The following HERC6 variants were observed in gnomAD, a reference collection of about 807,000 sequenced individuals.
HERC6 encodes probable E3 ubiquitin-protein ligase HERC6.
A neutral mutation model predicts 114.5 loss-of-function variants in HERC6; 101 were observed. The observed-to-expected ratio is 0.88, with a 90% CI of 0.75 to 1.04. The LOEUF is 1.04. Ranked by LOEUF, HERC6 falls within the 50% of genes least tolerant of loss-of-function variation. The pLI, the probability that HERC6 is intolerant of heterozygous loss-of-function variation, is 0.00. For missense variants in HERC6, 1,133 were observed against 1,230.9 expected, an observed-to-expected ratio of 0.92 and a Z score of 1.19; for synonymous variants, 408 against 436.2, an observed-to-expected ratio of 0.94 and a Z score of 0.81.
intron 12 of HERC6, among the ~76,000 whole-genome samples, chr4:88,417,173 G>A (rs1736561176): frequency 6.6e-6 from 1 of 152,104 alleles, no homozygotes; most frequent in East Asian, 1.9e-4. Flanking sequence ...ATAAATGTGA[G>A]CCATTAACCA....
chr4:88,401,466 G>A (rs1735533420), intron 8 of HERC6, among the ~76,000 whole-genome samples: 1 of 150,334 alleles, frequency 6.7e-6, no homozygotes, highest in Admixed American at 6.6e-5. Context: ...ACTCCAGCCT[G>A]GGCGACAGAA....
At chr4:88,395,902 A>C in intron 5 of HERC6, 113 bp from the exon 6 acceptor site, 1 of 834,606 alleles carries the variant, frequency 1.2e-6, no homozygotes, top group Non-Finnish European at 1.8e-6. Flanking sequence ...ATTTATGTAG[A>C]GCTTGTGTTT....
chr4:88,382,315 A>G (rs1373094422), intron 1 of HERC6, among the ~76,000 whole-genome samples: 3 of 152,092 alleles, frequency 2.0e-5, no homozygotes, highest in Admixed American at 6.6e-5. Flanking sequence ...TCCGGTTTTC[A>G]TTTGTGGGCA....
chr4:88,423,727 A>G, intron 13 of HERC6, 133 bp from the exon 14 acceptor site: 1 of 425,970 alleles, frequency 2.3e-6, no homozygotes, highest in Non-Finnish European at 4.2e-6. Flanking sequence ...CTATTTCATC[A>G]CTGACAAATG....
chr4:88,389,722 T>G (rs765552362), intron 3 of HERC6, among the ~76,000 whole-genome samples: 5 of 152,086 alleles, frequency 3.3e-5, no homozygotes, highest in African/African-American at 4.8e-5. Context: ...TTTTTCTTCA[T>G]CTCTGTTTTA....
chr4:88,407,101 A>T (rs1027838844), intron 10 of HERC6, among the ~76,000 whole-genome samples: 1 of 148,342 alleles, frequency 6.7e-6, no homozygotes. Flanking sequence ...TTTTTGAGAC[A>T]GGGTCTCACT....
chr4:88,424,461 A>G (rs952474047), intron 14 of HERC6, 134 bp from the exon 15 acceptor site: 2 of 690,580 alleles, frequency 2.9e-6, no homozygotes, highest in African/African-American at 3.7e-5. Context: ...CCTGGGCAAT[A>G]GAACAAGACT....
chr4:88,439,917 T>C lies in HERC6; in HGVS notation c.2599T>C (p.Ser867Pro). Residue 867 changes from serine (S) to proline (P), a missense_variant, in exon 21 of 23, where the codon TCT (serine) becomes CCT (proline). Ser to Pro is a moderately conservative substitution (Grantham distance 74). This residue lies in a region of HERC6 where 388 missense variants were observed against 445.9 expected (regional missense o/e 0.87). Transcript: ENST00000264346. ...GTATATTGATTACATTTTCAACGTC[T>C]CTGTAAAAGCAGTTTATGAGGAATT... is the stretch of plus-strand genomic sequence containing the variant. ...SKYIDYIFNV[S>P]VKAVYEEFQR... is the part of the protein sequence containing the mutation. The C allele has an allele frequency of 6.3e-7, 1 of 1,594,740 alleles. No homozygotes were observed. The highest frequency in any genetic ancestry group is 8.5e-7 in the Non-Finnish European group (1 of 1,171,526).
In HERC6 at chr4:88,428,654, C is replaced by A; in HGVS notation, c.2010C>A (p.Pro670=). 1 of 1,607,418 alleles carries A rather than the reference C, an allele frequency of 6.2e-7. No individual in the cohort carries two copies. Among genetic ancestry groups the A allele is most frequent in the Admixed American group, 1.7e-5 (1 of 59,184 alleles). ...AAAAGGATGAATTTCCTCCATCACC[C>A]AGATTTATACTTAGAGTCAGACGAA... ...LQKKDEFPPS[P]RFILRVRRSR... is the part of the protein sequence containing the mutation. Residue 670 remains proline (P), a synonymous_variant, in exon 16 of 23, where the codon CCC becomes CCA. Coordinates refer to ENST00000264346, the MANE Select transcript of HERC6 (RefSeq NM_017912.4).
intron 2 of HERC6, 70 bp downstream of exon 2, chr4:88,383,450 T>A: frequency 2.4e-6 from 3 of 1,249,120 alleles, no homozygotes; most frequent in Non-Finnish European, 3.2e-6. Flanking sequence ...CTGTGCAAGA[T>A]GCCAGGATAC....
rs1212130046 is a variant in HERC6, at chr4:88,385,147, G to A, written c.360-352G>A. Among the ~76,000 whole-genome samples, 3 of 152,062 alleles carry A rather than the reference G, an allele frequency of 2.0e-5. No individual in the cohort carries two copies. The East Asian group carries it at 5.8e-4, about 29-fold the overall frequency. On this transcript the variant is annotated intron_variant, in intron 2 of 22. Transcript: ENST00000264346. The stretch of plus-strand genomic sequence containing the variant: ...GCTTAAATTAGATGATGAAGTTGTT[G>A]GTGTTCTATAAATTCTAAGGCCCTA...
chr4:88,409,558 C>T (rs181412057), intron 11 of HERC6, among the ~76,000 whole-genome samples: 20 of 152,194 alleles, frequency 1.3e-4, no homozygotes, highest in Admixed American at 2.6e-4. Flanking sequence ...GAGCAATGCT[C>T]GAGAGGTGGA....
At chr4:88,405,510 C>T in intron 9 of HERC6, 44 bp from the exon 10 acceptor site, 3 of 1,056,524 alleles carry the variant, frequency 2.8e-6, no homozygotes, top group Non-Finnish European at 4.1e-6. Flanking sequence ...AAAAGGCATG[C>T]TTTATTATAT....
At chr4:88,383,085 CT>C in intron 1 of HERC6, 135 bp from the exon 2 acceptor site, 1 of 1,081,508 alleles carries the variant, frequency 9.2e-7, no homozygotes, top group East Asian at 2.6e-5. Context: ...GACTTAAGGT[CT>C]TGATTCAAAA....
intron 10 of HERC6, among the ~76,000 whole-genome samples, chr4:88,408,142 A>T (rs1384660154): frequency 6.6e-5 from 10 of 152,222 alleles, no homozygotes; most frequent in Non-Finnish European, 8.8e-5. Flanking sequence ...TCATGCTAAT[A>T]AAAACAGTGG....
At chr4:88,438,687 T>C (rs184306556) in intron 20 of HERC6, among the ~76,000 whole-genome samples, 1 of 152,336 alleles carries the variant, frequency 6.6e-6, no homozygotes, top group East Asian at 1.9e-4. Flanking sequence ...TTGTTAAATT[T>C]TCAAAAATGT....
intron 15 of HERC6, among the ~76,000 whole-genome samples, chr4:88,428,134 C>T (rs563569725): frequency 1.3e-5 from 2 of 152,302 alleles, no homozygotes; most frequent in Admixed American, 1.3e-4. Context: ...GGAAGTCTGT[C>T]TTCTGTCTTT....
chr4:88,379,126 C>T lies in HERC6; in HGVS notation c.199+6C>T. 1 of 1,536,346 alleles carries T rather than the reference C, an allele frequency of 6.5e-7. No homozygotes were observed. The highest frequency in any genetic ancestry group is 8.7e-7 in the Non-Finnish European group (1 of 1,143,962). ...GCAGCGCGGGGAGCTGCCAGGTGAG[C>T]GGGGGGCCCCAGGTGCAGGGTGTGA... On this transcript the variant is annotated splice_donor_region_variant and intron_variant, in intron 1 of 22. Coordinates refer to ENST00000264346, the MANE Select transcript of HERC6 (RefSeq NM_017912.4).
intron 13 of HERC6, among the ~76,000 whole-genome samples, chr4:88,422,504 T>C (rs1194621024): frequency 6.6e-6 from 1 of 152,218 alleles, no homozygotes; most frequent in African/African-American, 2.4e-5. Context: ...GAATGGATAC[T>C]GAATTTTATT....
Sources: gnomAD v4.1 joint callset for allele counts (sites outside exome capture counted in the v4.1 genomes callset) on GRCh38, gnomAD v4.1.1 for gene constraint, gnomAD v4.1.1 regional missense constraint, MANE v1.5 for transcripts, NCBI Gene and HGNC (gene_info 2026-07-23, HGNC 2026-07-21) for gene names.